The following PRR5 variants were observed in gnomAD, a reference collection of about 807,000 sequenced individuals.
PRR5 encodes the protein proline-rich protein 5.
In PRR5, 25 loss-of-function variants were observed where a neutral mutation model predicts 30.6. The observed-to-expected ratio is 0.82, with a 90% CI of 0.60 to 1.14. The LOEUF (loss-of-function observed/expected upper bound fraction) is 1.14, where lower values mean the gene tolerates loss of function less well. Among genes scored for constraint, PRR5 ranks in the 50% most tolerant of loss-of-function variants. The pLI is 0.00. For synonymous variants in PRR5, 286 were observed against 247.1 expected, an observed-to-expected ratio of 1.16 and a Z score of -1.48; for missense variants, 600 against 547.1, an observed-to-expected ratio of 1.10 and a Z score of -0.96.
intron 2 of PRR5, among the ~76,000 whole-genome samples, chr22:44,724,764 G>A (rs1407424518): frequency 6.6e-6 from 1 of 152,242 alleles, no homozygotes; most frequent in Non-Finnish European, 1.5e-5. Context: ...GGGAACCCCG[G>A]TGAATGCCTG....
upstream of PRR5, among the ~76,000 whole-genome samples, chr22:44,673,131 T>C (rs1048723666): frequency 6.6e-5 from 10 of 152,208 alleles, no homozygotes; most frequent in African/African-American, 2.4e-4. Flanking sequence ...GCAATCCACC[T>C]AGTGCCCAGA....
chr22:44,727,478 C>G (rs1023688098), intron 4 of PRR5, among the ~76,000 whole-genome samples: 2 of 152,206 alleles, frequency 1.3e-5, no homozygotes, highest in African/African-American at 4.8e-5. Flanking sequence ...CTGGACTGCC[C>G]CGAGTGTTTC....
chr22:44,671,831 C>T (rs1601939618), intron 1 of PRR5, among the ~76,000 whole-genome samples: 1 of 152,340 alleles, frequency 6.6e-6, no homozygotes, highest in South Asian at 2.1e-4. Context: ...GTGATTCCTG[C>T]CGCACTCTAG....
chr22:44,695,580 TTTTG>T (rs900970519), intron 1 of PRR5, among the ~76,000 whole-genome samples: 8 of 151,730 alleles, frequency 5.3e-5, no homozygotes, highest in Admixed American at 3.3e-4. Flanking sequence ...TCTCAGGGGG[TTTTG>T]TTTGTTTGTT....
chr22:44,685,944 A>G (rs1161116037), intron 1 of PRR5, among the ~76,000 whole-genome samples: 1 of 152,170 alleles, frequency 6.6e-6, no homozygotes, highest in African/African-American at 2.4e-5. Context: ...CACCGTGATG[A>G]TGCCACACAT....
intron 1 of PRR5, chr22:44,679,867 A>G (rs1924109091): frequency 5.7e-6 from 9 of 1,586,570 alleles, no homozygotes; most frequent in East Asian, 2.3e-5. Flanking sequence ...ATGCCGGCGC[A>G]GCCTGAGGGC....
chr22:44,693,735 C>T lies in PRR5; in HGVS notation c.-10-8757C>T, dbSNP rs532326978. 2.3e-3 allele frequency among the ~76,000 whole-genome samples: 329 copies of T among 145,974 alleles called. 2 individuals are homozygous for T. Among genetic ancestry groups the T allele is most frequent in the Non-Finnish European group, 3.2e-3 (213 of 67,134 alleles). On this transcript the variant is annotated intron_variant, in intron 1 of 8. Transcript: ENST00000006251. Reference sequence around the variant, plus strand: ...CTCTGTCTCTCAGGTTCACGCCATTCTCCTGCCTCAGCCTCCTACAAGTAG... The same window carrying T: ...CTCTGTCTCTCAGGTTCACGCCATTTTCCTGCCTCAGCCTCCTACAAGTAG...
rs555773071 is a variant in PRR5, at chr22:44,702,989, G to T, written c.134+381G>T. Among the ~76,000 whole-genome samples the T allele has an allele frequency of 2.0e-4, 31 of 152,334 alleles. No homozygotes were observed. The Middle Eastern group carries it at 0.01, about 50-fold the overall frequency. ...CAGGAAGTATTTTTCCCATTTTGCG[G>T]CTGAGCACGGGAGCCTCGGGGCTCA... On this transcript the variant is annotated intron_variant, in intron 1 of 7. Transcript: ENST00000336985.
At chr22:44,676,412 A>AAAAAAAAAAAAAAAAG (rs1569060698), upstream of PRR5, among the ~76,000 whole-genome samples, 9 of 148,540 alleles carry the variant, frequency 6.1e-5, no homozygotes, top group African/African-American at 2.3e-4. Context: ...AAAAAAAAAA[A>AAAAAAAAAAAAAAAAG]AAAGAAAGAA....
intron 1 of PRR5, among the ~76,000 whole-genome samples, chr22:44,713,631 G>T (rs1044291731): frequency 1.3e-5 from 2 of 152,200 alleles, no homozygotes; most frequent in African/African-American, 4.8e-5. Flanking sequence ...CTCCCAGAGT[G>T]CTGGGATTAC....
intron 7 of PRR5, 112 bp from the exon 8 acceptor site, chr22:44,736,660 C>T (rs76166561): frequency 0.062 from 90,547 of 1,462,016 alleles, 3,344 homozygotes; most frequent in East Asian, 0.19. Context: ...CGGGTCGGGC[C>T]TTCCCTGCAG....
chr22:44,706,113 C>T (rs971283433), intron 1 of PRR5, among the ~76,000 whole-genome samples: 6 of 152,106 alleles, frequency 3.9e-5, no homozygotes, highest in Admixed American at 6.6e-5. Flanking sequence ...TCCCCTTTCT[C>T]TTGTAAAAAC....
intron 1 of PRR5, among the ~76,000 whole-genome samples, chr22:44,688,000 C>G (rs968010334): frequency 6.6e-6 from 1 of 150,980 alleles, no homozygotes; most frequent in African/African-American, 2.4e-5. Flanking sequence ...GTCTCGAACT[C>G]CTGACCTCAG....
Position 44,735,102 on chromosome 22 carries a change from T to C in PRR5, c.631T>C (p.Tyr211His). 6.2e-7 allele frequency: 1 copy of C among 1,612,676 alleles called. No individual in the cohort carries two copies. Among genetic ancestry groups the C allele is most frequent in the Non-Finnish European group, 8.5e-7 (1 of 1,179,456 alleles). Residue 211 changes from tyrosine to histidine, a missense_variant, in exon 7 of 8, where the codon TAC becomes CAC. Transcript: ENST00000336985. ...GCTGGTCCAGAAGGTGGTGTCGCCA[T>C]ACCTGGGCACCTACGGCCTCCACTC... ...ETLVQKVVSP[Y>H]LGTYGLHSSE...
intron 1 of PRR5, 71 bp from the exon 2 acceptor site, chr22:44,714,520 A>T: frequency 6.3e-7 from 1 of 1,581,770 alleles, no homozygotes; most frequent in Non-Finnish European, 8.6e-7. Flanking sequence ...GGAAAGAGGA[A>T]TGGGGCCTGA....
At chr22:44,727,510 T>A (rs1921061990) in intron 4 of PRR5, among the ~76,000 whole-genome samples, 1 of 152,210 alleles carries the variant, frequency 6.6e-6, no homozygotes, top group South Asian at 2.1e-4. Context: ...CTCATTTGAT[T>A]TCCACAACCC....
chr22:44,696,222 C>G (rs1925733616), intron 1 of PRR5, among the ~76,000 whole-genome samples: 1 of 152,130 alleles, frequency 6.6e-6, no homozygotes, highest in African/African-American at 2.4e-5. Context: ...CCGCGTCCAG[C>G]CAATTCTGAC....
rs991872830 is a variant in PRR5 at position 44,729,228 on chromosome 22, C to T, written c.323-2502C>T. 4 of 864,198 alleles carry T rather than the reference C, an allele frequency of 4.6e-6. No individual in the cohort carries two copies. In the African/African-American group the frequency reaches 5.5e-5, roughly 12 times the overall value. The allele number at this position is 864,198 out of a possible 1,614,324, so 53.5% of individuals were successfully genotyped here. ...CGCCAGACACCCTTGACCTGGTCCACCCAGCGCGTGGCTTTTGTCACTGCC... is the reference window on the plus strand; with the variant it reads ...CGCCAGACACCCTTGACCTGGTCCATCCAGCGCGTGGCTTTTGTCACTGCC... On this transcript the variant is annotated intron_variant, in intron 4 of 7. Transcript: ENST00000336985.
At chr22:44,684,962 C>T (rs1409134199) in intron 1 of PRR5, among the ~76,000 whole-genome samples, 1 of 152,324 alleles carries the variant, frequency 6.6e-6, no homozygotes, top group East Asian at 1.9e-4. Flanking sequence ...GGACTCAGGG[C>T]CCGGCACGAA....
Sources: gnomAD v4.1 joint callset for allele counts (sites outside exome capture counted in the v4.1 genomes callset) on GRCh38, gnomAD v4.1.1 for gene constraint, MANE v1.5 for transcripts, NCBI Gene and HGNC (gene_info 2026-07-23, HGNC 2026-07-21) for gene names.